ZNF790: variants seen among roughly 807,000 people sequenced by gnomAD.
ZNF790 encodes zinc finger protein 790.
Under a neutral mutation model 12.1 loss-of-function variants are expected in ZNF790, and 8 were observed. That is an observed-to-expected ratio of 0.66 (90% CI 0.39 to 1.19). The LOEUF is 1.19. Ranked by LOEUF, ZNF790 falls within the 50% of genes most tolerant of loss-of-function variation. The probability of loss-of-function intolerance (pLI) is 0.01; values close to 1 mark genes in which losing one functional copy is unlikely to be tolerated. For synonymous variants in ZNF790, 252 were observed against 244.3 expected, an observed-to-expected ratio of 1.03 and a Z score of -0.29; for missense variants, 707 against 752.2, an observed-to-expected ratio of 0.94 and a Z score of 0.70.
rs750921197 is a variant in ZNF790, at chr19:36,818,729, A to T, written c.1615T>A (p.Cys539Ser). The change falls in exon 5 of 5, where the codon TGT (cysteine) becomes AGT (serine). Residue 539 changes from cysteine (C) to serine (S), a missense_variant. By Grantham distance (112) the Cys-to-Ser change is moderately radical. Coordinates refer to ENST00000356725, the MANE Select transcript of ZNF790 (RefSeq NM_206894.4). ...GAACCCCAGATAAAAGATTTCCCAC[A>T]TTCTTTACATACGTAAGGTTCCTCA... ...TGEEPYVCKE[C>S]GKSFIWGSQL... 6.2e-7 allele frequency: 1 copy of T among 1,613,040 alleles called. No homozygotes were observed. Among genetic ancestry groups the T allele is most frequent in the African/African-American group, 1.3e-5 (1 of 74,814 alleles).
Position 36,817,502 on chromosome 19 carries a change from C to T in ZNF790, c.*931G>A, listed in dbSNP as rs1355456367. On this transcript the variant is annotated 3_prime_UTR_variant, in exon 5 of 5. Coordinates refer to ENST00000356725, the MANE Select transcript of ZNF790 (RefSeq NM_206894.4). ...TTCAGTAAGACATAAATAGAGATGA[C>T]ATATTTGTCTATAATCATTATAGTC... is the stretch of plus-strand genomic sequence containing the variant. The T allele has an allele frequency of 2.0e-5, 3 of 151,698 alleles. No individual in the cohort carries two copies. The highest frequency in any genetic ancestry group is 2.9e-5 in the Non-Finnish European group (2 of 67,952). 9.4% of individuals were successfully genotyped at this position (151,698 alleles called of 1,614,324 possible). A position where few individuals can be genotyped will look rare whatever the true frequency, so the allele number is the denominator to read the frequency against.
intron 3 of ZNF790, 120 bp from the exon 4 acceptor site, chr19:36,823,500 T>C: frequency 2.4e-6 from 3 of 1,270,184 alleles, no homozygotes; most frequent in South Asian, 2.7e-5. Context: ...AAGTATAAAC[T>C]ATGGGAAAGA....
At chr19:36,823,489 TAAG>T in intron 3 of ZNF790, 109 bp from the exon 4 acceptor site, 1 of 1,294,688 alleles carries the variant, frequency 7.7e-7, no homozygotes. Context: ...AGGACAAAAA[TAAG>T]TATAAACTAT....
rs564576735 is a variant in ZNF790, at chr19:36,825,720, C to A, written c.-73-28G>T. 5 of 1,326,066 alleles carry A rather than the reference C, an allele frequency of 3.8e-6. No homozygotes were observed. In the African/African-American group the frequency reaches 4.3e-5, roughly 11 times the overall value. The allele number at this position is 1,326,066 out of a possible 1,614,324, so 82.1% of individuals were successfully genotyped here. A position where few individuals can be genotyped will look rare whatever the true frequency, so the allele number is the denominator to read the frequency against. ...AGAAGGAAAGAATCACAAGGTCAGG[C>A]CTTTCTCAGAGCTCTCAAAGGGACA... On this transcript the variant is annotated intron_variant, in intron 1 of 4. Transcript: ENST00000356725.
intron 4 of ZNF790, among the ~76,000 whole-genome samples, chr19:36,822,141 G>GA (rs1235798820): frequency 2.0e-5 from 3 of 152,000 alleles, no homozygotes; most frequent in African/African-American, 4.8e-5. Context: ...CCTAAAATAA[G>GA]AAAATCCATA....
rs2146004621 is a variant in ZNF790 at position 36,818,997 on chromosome 19, G to C, written c.1347C>G (p.Ser449=). ...QHEKIHNERK[S]YECKECGKTF... is the part of the protein sequence containing the mutation. Reference sequence around the variant, plus strand: ...TCTTTCCACATTCCTTACATTCATAGGATTTCCTCTCATTGTGAATTTTCT... The same window carrying C: ...TCTTTCCACATTCCTTACATTCATACGATTTCCTCTCATTGTGAATTTTCT... The change falls in exon 5 of 5, where the codon TCC becomes TCG. Residue 449 remains serine (S), a synonymous_variant. Coordinates refer to ENST00000356725, the MANE Select transcript of ZNF790 (RefSeq NM_206894.4). The C allele has an allele frequency of 6.2e-7, 1 of 1,613,724 alleles. No homozygotes were observed. Among genetic ancestry groups the C allele is most frequent in the Non-Finnish European group, 8.5e-7 (1 of 1,179,930 alleles).
chr19:36,822,096 T>A (rs1445444011), intron 4 of ZNF790, among the ~76,000 whole-genome samples: 1 of 152,154 alleles, frequency 6.6e-6, no homozygotes, highest in Non-Finnish European at 1.5e-5. Context: ...AAAAAGTTTC[T>A]TAAGAGACAA....
chr19:36,834,994 A>C (rs2072015609), intron 1 of ZNF790, among the ~76,000 whole-genome samples: 1 of 152,258 alleles, frequency 6.6e-6, no homozygotes, highest in Admixed American at 6.5e-5. Context: ...AGGTTATATA[A>C]AATAAAATTT....
chr19:36,844,582 C>G (rs2072160025), intron 1 of ZNF790, among the ~76,000 whole-genome samples: 1 of 151,916 alleles, frequency 6.6e-6, no homozygotes, highest in Non-Finnish European at 1.5e-5. Flanking sequence ...AGGAATTTCC[C>G]AAAACCGATT....
At chr19:36,843,205 T>C (rs1423747902), upstream of ZNF790, among the ~76,000 whole-genome samples, 1 of 152,114 alleles carries the variant, frequency 6.6e-6, no homozygotes, top group Non-Finnish European at 1.5e-5. Flanking sequence ...ATTGGAGACT[T>C]TATGGGCCAA....
chr19:36,847,344 T>C (rs1346863923), intron 1 of ZNF790, among the ~76,000 whole-genome samples: 1 of 150,908 alleles, frequency 6.6e-6, no homozygotes, highest in Non-Finnish European at 1.5e-5. Flanking sequence ...CAGTAAGACT[T>C]TGTCTTGGGA....
chr19:36,846,284 C>T (rs760001494), intron 1 of ZNF790, among the ~76,000 whole-genome samples: 11 of 152,116 alleles, frequency 7.2e-5, no homozygotes, highest in Non-Finnish European at 1.5e-4. Flanking sequence ...TGAGGCCAGG[C>T]GCAGTGGCTC....
chr19:36,818,293 TG>T lies in ZNF790; in HGVS notation c.*139del. The T allele has an allele frequency of 1.4e-6, 1 of 696,290 alleles. No homozygotes were observed. The highest frequency in any genetic ancestry group is 2.8e-5 in the East Asian group (1 of 35,164). 43.1% of individuals were successfully genotyped at this position (696,290 alleles called of 1,614,324 possible). A position where few individuals can be genotyped will look rare whatever the true frequency, so the allele number is the denominator to read the frequency against. On this transcript the variant is annotated 3_prime_UTR_variant, in exon 5 of 5. Transcript: ENST00000356725. ...ATGATGAATTCTCTGCTGCTGCTGC[TG>T]CTGCTGCTGCTGGATGTGTGCTCTG...
chr19:36,819,695 G>A lies in ZNF790; in HGVS notation c.649C>T (p.Gln217Ter). 6.2e-7 allele frequency: 1 copy of A among 1,613,196 alleles called. No individual in the cohort carries two copies. The highest frequency in any genetic ancestry group is 8.5e-7 in the Non-Finnish European group (1 of 1,179,478). ...FLPDSEVIQY[Q>*]TVHTVKKTYE... ...GTTTTCTTAACAGTGTGAACTGTCT[G>A]ATATTGAATAACTTCTGAATCAGGA... Residue 217 changes from glutamine (Q) to a stop codon, truncating the protein, a stop_gained, in exon 5 of 5, where the codon CAG becomes TAG. Coordinates refer to ENST00000356725, the MANE Select transcript of ZNF790 (RefSeq NM_206894.4). LOFTEE classifies it low-confidence loss of function (END_TRUNC).
chr19:36,828,251 G>T (rs1228620731), intron 1 of ZNF790: 2 of 152,116 alleles, frequency 1.3e-5, no homozygotes, highest in Non-Finnish European at 2.9e-5. Flanking sequence ...ATCACCTGAG[G>T]TCGGGAGTTC....
chr19:36,820,823 G>C (rs1281038285), intron 4 of ZNF790, among the ~76,000 whole-genome samples: 2 of 151,916 alleles, frequency 1.3e-5, no homozygotes, highest in African/African-American at 4.8e-5. Flanking sequence ...CTGAGCCTAG[G>C]AGATGAGGCT....
rs941288676 is a variant in ZNF790 at position 36,838,352 on chromosome 19, C to T, written c.-89G>A. 6.6e-5 allele frequency: 10 copies of T among 152,380 alleles called. No individual in the cohort carries two copies. The highest frequency in any genetic ancestry group is 1.2e-4 in the Non-Finnish European group (8 of 68,152). The allele number at this position is 152,380 out of a possible 1,614,324, so 9.4% of individuals were successfully genotyped here. A position where few individuals can be genotyped will look rare whatever the true frequency, so the allele number is the denominator to read the frequency against. ...AATCACTCACCCGGCCCTGCGGTCC[C>T]TTGATGGTGGAAGGTTCCGCGATCT... On this transcript the variant is annotated 5_prime_UTR_variant, in exon 1 of 5. Transcript: ENST00000356725. The surrounding 1 kb of genome is among the most constrained non-coding windows in gnomAD (Gnocchi z 4.4).
Position 36,845,429 on chromosome 19 carries a change from G to A in ZNF790, c.-74+4573C>T, listed in dbSNP as rs542954749. Among the ~76,000 whole-genome samples, 3 of 151,022 alleles carry A rather than the reference G, an allele frequency of 2.0e-5. No homozygotes were observed. In the South Asian group the frequency reaches 6.3e-4, roughly 32 times the overall value. On this transcript the variant is annotated intron_variant, in intron 1 of 4. Coordinates refer to the ZNF790 transcript ENST00000528994. Reference sequence around the variant, plus strand: ...CTGTTTCCAAAAAAAAAAAAAATTAGTAGGGAAAGAATAGCAATAGAAAGA... The same window carrying A: ...CTGTTTCCAAAAAAAAAAAAAATTAATAGGGAAAGAATAGCAATAGAAAGA...
chr19:36,836,647 C>G (rs2146080821), intron 1 of ZNF790, among the ~76,000 whole-genome samples: 1 of 150,914 alleles, frequency 6.6e-6, no homozygotes, highest in South Asian at 2.1e-4. Context: ...GTCCCAGCTA[C>G]TCGGGAGGCT....
Sources: allele counts gnomAD v4.1 joint callset (sites outside exome capture counted in the v4.1 genomes callset), GRCh38; gene constraint gnomAD v4.1.1; non-coding constraint Gnocchi (gnomAD v3.1); transcripts MANE v1.5; gene names NCBI Gene and HGNC (gene_info 2026-07-23, HGNC 2026-07-21).